Variants in MAN1C1 observed in about 807,000 individuals in gnomAD.
MAN1C1 encodes the protein mannosyl-oligosaccharide 1,2-alpha-mannosidase IC.
In MAN1C1, 49 loss-of-function variants were observed where a neutral mutation model predicts 71.5. The ratio of observed to expected loss-of-function variants is 0.69; its 90% CI spans 0.54 to 0.87. The LOEUF (loss-of-function observed/expected upper bound fraction) is 0.87, where lower values mean the gene tolerates loss of function less well. MAN1C1 is among the 40% of genes least tolerant of loss of function. The probability of loss-of-function intolerance (pLI) is 0.00; values close to 1 mark genes in which losing one functional copy is unlikely to be tolerated. For synonymous variants in MAN1C1, 352 were observed against 343.7 expected, an observed-to-expected ratio of 1.02 and a Z score of -0.27; for missense variants, 743 against 835.0, an observed-to-expected ratio of 0.89 and a Z score of 1.36.
rs184546004 is a variant in MAN1C1, at chr1:25,627,340, G to C, written c.540+9003G>C. ...TTTGTCGCCCAGGCTGGAGTGCGGT[G>C]GTGTGATCTCAGCTCACTCCACCTC... On this transcript the variant is annotated intron_variant, in intron 1 of 11. Transcript: ENST00000374332. Among the ~76,000 whole-genome samples, 496 of 152,082 alleles carry C rather than the reference G, an allele frequency of 3.3e-3. 4 individuals carry two copies. Among genetic ancestry groups the C allele is most frequent in the African/African-American group, 0.011 (473 of 41,470 alleles).
intron 1 of MAN1C1, among the ~76,000 whole-genome samples, chr1:25,622,894 C>T (rs2045235860): frequency 1.3e-5 from 2 of 152,286 alleles, no homozygotes; most frequent in Admixed American, 6.5e-5. Context: ...TCTGATTTAT[C>T]GTCACTAGTG....
chr1:25,635,912 T>G (rs1219387546), intron 1 of MAN1C1, among the ~76,000 whole-genome samples: 2 of 152,180 alleles, frequency 1.3e-5, no homozygotes, highest in Non-Finnish European at 2.9e-5. Context: ...TCCGTAAGTG[T>G]CAGCTGGCTG....
At position 25,618,255 on chromosome 1, in the gene MAN1C1, G is replaced by A. The variant is rs867433498; in HGVS notation, c.458G>A (p.Arg153His). Residue 153 changes from arginine to histidine, a missense_variant, in exon 1 of 12, where the codon CGC (arginine) becomes CAC (histidine). Physicochemically the swap from Arg to His is conservative, Grantham distance 29. Transcript: ENST00000374332. ...FDFNAFRSRL[R>H]HPVLGTRADE... ...TTCAACGCATTCCGGAGCCGTCTCCGCCACCCGGTCCTGGGAACGAGGGCC... is the reference window on the plus strand; with the variant it reads ...TTCAACGCATTCCGGAGCCGTCTCCACCACCCGGTCCTGGGAACGAGGGCC... 2.2e-5 allele frequency: 35 copies of A among 1,602,496 alleles called. No homozygotes were observed. Among genetic ancestry groups the A allele is most frequent in the Non-Finnish European group, 2.9e-5 (34 of 1,176,510 alleles).
Position 25,628,337 on chromosome 1 carries a change from C to T in MAN1C1, c.540+10000C>T, listed in dbSNP as rs1321789585. 3.3e-5 allele frequency among the ~76,000 whole-genome samples: 5 copies of T among 151,524 alleles called. No homozygotes were observed. The East Asian group carries it at 5.8e-4, about 18-fold the overall frequency. ...TATTTTTATTTTTGAGAAGGAGTTT[C>T]GCTCTTGTTGCCCAGGCTGGAGTTC... On this transcript the variant is annotated intron_variant, in intron 1 of 11. Transcript: ENST00000374332.
At chr1:25,714,946 CCA>C (rs1435962394) in intron 2 of MAN1C1, among the ~76,000 whole-genome samples, 1 of 152,096 alleles carries the variant, frequency 6.6e-6, no homozygotes, top group Non-Finnish European at 1.5e-5. Flanking sequence ...AAACTCAAGC[CCA>C]TTTAAGTTCA....
At chr1:25,651,626 C>T (rs888395733) in intron 1 of MAN1C1, among the ~76,000 whole-genome samples, 1 of 152,228 alleles carries the variant, frequency 6.6e-6, no homozygotes, top group Non-Finnish European at 1.5e-5. Context: ...CCAGTGCTGC[C>T]TTCCTCTGCC....
intron 1 of MAN1C1, among the ~76,000 whole-genome samples, chr1:25,620,265 T>C (rs1254731253): frequency 6.6e-6 from 1 of 152,220 alleles, no homozygotes; most frequent in African/African-American, 2.4e-5. Flanking sequence ...TCTTTCTAGC[T>C]GGTATCTCCT....
intron 2 of MAN1C1, among the ~76,000 whole-genome samples, chr1:25,736,552 G>A (rs2744773): frequency 0.068 from 10,367 of 152,078 alleles, 455 homozygotes; most frequent in African/African-American, 0.12. Context: ...TTTGCAGCAG[G>A]GTCTTGCTCT....
chr1:25,686,111 C>A (rs2046227081), intron 1 of MAN1C1, among the ~76,000 whole-genome samples: 1 of 152,192 alleles, frequency 6.6e-6, no homozygotes. Flanking sequence ...GACTTTAAGC[C>A]AGAGCAAAAC....
intron 7 of MAN1C1, 103 bp from the exon 8 acceptor site, chr1:25,771,554 G>C: frequency 1.2e-6 from 1 of 823,566 alleles, no homozygotes; most frequent in South Asian, 1.5e-5. Flanking sequence ...CTTCCTACCC[G>C]TACAGGCACC....
chr1:25,621,673 C>G (rs2124746874), intron 1 of MAN1C1, among the ~76,000 whole-genome samples: 1 of 151,908 alleles, frequency 6.6e-6, no homozygotes, highest in Middle Eastern at 3.4e-3. Context: ...GTCGAGGCTG[C>G]AGTGCAGTGG....
Position 25,781,124 on chromosome 1 carries a change from C to G in MAN1C1, c.1650+12C>G. Reference sequence around the variant, plus strand: ...GGGAGGTGGTGCTGGTGAGTGGGCCCCAGGGATGGGCAGCAAGGTGCTAGA... The same window carrying G: ...GGGAGGTGGTGCTGGTGAGTGGGCCGCAGGGATGGGCAGCAAGGTGCTAGA... On this transcript the variant is annotated intron_variant, in intron 10 of 11. Coordinates refer to ENST00000374332, the MANE Select transcript of MAN1C1 (RefSeq NM_020379.4). The G allele has an allele frequency of 1.2e-6, 2 of 1,612,900 alleles. No homozygotes were observed. The highest frequency in any genetic ancestry group is 1.1e-5 in the South Asian group (1 of 91,016).
intron 1 of MAN1C1, among the ~76,000 whole-genome samples, chr1:25,655,249 C>T (rs1394326511): frequency 6.6e-6 from 1 of 152,160 alleles, no homozygotes; most frequent in South Asian, 2.1e-4. Flanking sequence ...GGATAAAACT[C>T]GATCTCCAAG....
intron 2 of MAN1C1, among the ~76,000 whole-genome samples, chr1:25,702,239 C>T (rs2046454837): frequency 6.6e-6 from 1 of 152,172 alleles, no homozygotes; most frequent in African/African-American, 2.4e-5. Context: ...CAGGGCAAGC[C>T]GCTTCTCATT....
rs772321075 is a variant in MAN1C1 at position 25,753,507 on chromosome 1, G to C, written c.858G>C (p.Arg286Ser). 26 of 1,613,810 alleles carry C rather than the reference G, an allele frequency of 1.6e-5. No homozygotes were observed. The highest frequency in any genetic ancestry group is 2.2e-5 in the Non-Finnish European group (26 of 1,179,922). The change falls in exon 5 of 12, where the codon AGG (arginine) becomes AGC (serine). Residue 286 changes from arginine (R) to serine (S), a missense_variant. Transcript: ENST00000374332. This position sits in a 1 kb window ranked among gnomAD's most constrained non-coding sequence, Gnocchi z 4.9. ...AGGTGTTCCGAATAAAGGCCATCAG[G>C]CTGGGAGAGAAGCTCCTGCCGGCGT... is the stretch of plus-strand genomic sequence containing the variant. ...GEEVFRIKAI[R>S]LGEKLLPAFN... is the part of the protein sequence containing the mutation.
chr1:25,752,909 T>A (rs1176172609), intron 4 of MAN1C1, among the ~76,000 whole-genome samples: 1 of 152,194 alleles, frequency 6.6e-6, no homozygotes, highest in Non-Finnish European at 1.5e-5. Flanking sequence ...AGGGAAACTG[T>A]CGCCCAGGAG....
intron 5 of MAN1C1, among the ~76,000 whole-genome samples, chr1:25,757,784 CAA>C (rs2047308920): frequency 6.6e-6 from 1 of 152,254 alleles, no homozygotes; most frequent in African/African-American, 2.4e-5. Context: ...ATCCTATGAT[CAA>C]AAGAGAAGCA....
At chr1:25,744,812 C>CG (rs2047106513) in intron 2 of MAN1C1, among the ~76,000 whole-genome samples, 1 of 152,144 alleles carries the variant, frequency 6.6e-6, no homozygotes, top group Admixed American at 6.5e-5. Flanking sequence ...CAGGAGGTGC[C>CG]GCAAAGCCCA....
intron 1 of MAN1C1, among the ~76,000 whole-genome samples, chr1:25,655,073 T>C (rs1036243584): frequency 2.0e-5 from 3 of 152,222 alleles, no homozygotes; most frequent in Non-Finnish European, 4.4e-5. Context: ...TCATGTGTGC[T>C]TGTGCTTTTT....
Sources: gnomAD v4.1 joint callset for allele counts (sites outside exome capture counted in the v4.1 genomes callset) on GRCh38, gnomAD v4.1.1 for gene constraint, Gnocchi (gnomAD v3.1) non-coding constraint, MANE v1.5 for transcripts, NCBI Gene and HGNC (gene_info 2026-07-23, HGNC 2026-07-21) for gene names.